Variants in EPHA4 observed in about 807,000 individuals in gnomAD.
The protein encoded by EPHA4 is EPH receptor A4.
In EPHA4, 19 loss-of-function variants were observed where a neutral mutation model predicts 108.3. That is an observed-to-expected ratio of 0.18 (90% confidence interval 0.12 to 0.26). EPHA4 has a LOEUF of 0.26. Ranked by LOEUF, EPHA4 falls within the 10% of genes least tolerant of loss-of-function variation. The pLI is 1.00. For missense variants in EPHA4, 917 were observed against 1,254.0 expected (o/e 0.73, Z 4.06); for synonymous variants, 449 against 455.5 (o/e 0.99, Z 0.18).
intron 8 of EPHA4, among the ~76,000 whole-genome samples, chr2:221,448,127 C>A (rs1465247765): frequency 6.6e-6 from 1 of 152,072 alleles, no homozygotes; most frequent in Admixed American, 6.5e-5. Context: ...TAGGCATGAA[C>A]CACCGCACCC....
chr2:221,470,340 GGAGAGAGA>G (rs375132663), intron 5 of EPHA4, among the ~76,000 whole-genome samples: 2 of 147,942 alleles, frequency 1.4e-5, no homozygotes, highest in Non-Finnish European at 3.0e-5. Flanking sequence ...AGGGCGGGGG[GGAGAGAGA>G]GAGAGAGAGA....
chr2:221,442,328 C>A lies in EPHA4; in HGVS notation c.2074+501G>T, dbSNP rs577482912. 1.3e-4 allele frequency among the ~76,000 whole-genome samples: 20 copies of A among 152,298 alleles called. 1 individual carries two copies. The South Asian group carries it at 3.9e-3, about 30-fold the overall frequency. ...AATGGACTAAAAAAGGAAAGTTCAA[C>A]CAGGTGTTACTGTAAATAGGTGCTG... On this transcript the variant is annotated intron_variant, in intron 11 of 17. Transcript: ENST00000281821.
At chr2:221,426,258 G>A (rs1689906293) in intron 16 of EPHA4, 116 bp from the exon 17 acceptor site, 4 of 1,055,370 alleles carry the variant, frequency 3.8e-6, no homozygotes, top group South Asian at 2.8e-5. Flanking sequence ...AGCACAACAA[G>A]GCAGGTGTAT....
intron 3 of EPHA4, among the ~76,000 whole-genome samples, chr2:221,521,319 A>T (rs1192511671): frequency 6.6e-6 from 1 of 152,206 alleles, no homozygotes; most frequent in African/African-American, 2.4e-5. Context: ...TTCCATTTAG[A>T]TGTTACAGGA....
chr2:221,517,836 G>C (rs1693035403), intron 3 of EPHA4, among the ~76,000 whole-genome samples: 1 of 152,178 alleles, frequency 6.6e-6, no homozygotes, highest in East Asian at 1.9e-4. Flanking sequence ...CCAGGCCCTG[G>C]GTCCTGACCA....
At chr2:221,554,351 T>C (rs1018277117) in intron 3 of EPHA4, among the ~76,000 whole-genome samples, 1 of 152,252 alleles carries the variant, frequency 6.6e-6, no homozygotes, top group Non-Finnish European at 1.5e-5. Flanking sequence ...TTCTGCTCTG[T>C]GAAATTAGTT....
intron 8 of EPHA4, among the ~76,000 whole-genome samples, chr2:221,455,235 A>G (rs548293809): frequency 7.9e-5 from 12 of 152,318 alleles, no homozygotes; most frequent in African/African-American, 2.6e-4. Flanking sequence ...TTTGGCAGTG[A>G]GTCCAGGCTT....
chr2:221,486,913 G>T (rs1046356933), intron 4 of EPHA4, among the ~76,000 whole-genome samples: 3 of 152,066 alleles, frequency 2.0e-5, no homozygotes, highest in Admixed American at 2.0e-4. Context: ...GTGTTATGAA[G>T]TGTGTGAACT....
At chr2:221,441,663 T>C (rs939382317) in intron 11 of EPHA4, among the ~76,000 whole-genome samples, 1 of 152,100 alleles carries the variant, frequency 6.6e-6, no homozygotes, top group African/African-American at 2.4e-5. Flanking sequence ...AGAGCATTAT[T>C]TGTAACATAC....
At chr2:221,503,482 G>A (rs139626784) in intron 3 of EPHA4, among the ~76,000 whole-genome samples, 327 of 152,254 alleles carry the variant, frequency 2.1e-3, no homozygotes, top group Non-Finnish European at 4.3e-3. Context: ...ATTTCTTACA[G>A]TGCAAAAACC....
chr2:221,481,993 C>G (rs1691834597), intron 5 of EPHA4, among the ~76,000 whole-genome samples: 1 of 152,210 alleles, frequency 6.6e-6, no homozygotes, highest in East Asian at 1.9e-4. Context: ...CAACCTCTGA[C>G]TGCTGGGCTC....
At chr2:221,459,124 A>G (rs756351180) in intron 5 of EPHA4, among the ~76,000 whole-genome samples, 1 of 152,134 alleles carries the variant, frequency 6.6e-6, no homozygotes, top group Non-Finnish European at 1.5e-5. Flanking sequence ...AAAAGCTTCA[A>G]ACCTGCTTGA....
intron 3 of EPHA4, among the ~76,000 whole-genome samples, chr2:221,554,859 A>G (rs1694259565): frequency 6.6e-6 from 1 of 152,012 alleles, no homozygotes; most frequent in Non-Finnish European, 1.5e-5. Context: ...TTAGTGACCT[A>G]AGGCCTATTT....
At chr2:221,546,955 G>C (rs931787762) in intron 3 of EPHA4, among the ~76,000 whole-genome samples, 4 of 152,112 alleles carry the variant, frequency 2.6e-5, no homozygotes, top group East Asian at 1.9e-4. Context: ...AAAATAAAAG[G>C]GGGGGGACAA....
intron 2 of EPHA4, among the ~76,000 whole-genome samples, chr2:221,566,963 G>GAAGAAGAAGAAGAA (rs1694680154): frequency 9.4e-5 from 1 of 10,630 alleles, no homozygotes; most frequent in Non-Finnish European, 2.0e-4. Flanking sequence ...AAGGGGAAGA[G>GAAGAAGAAGAAGAA]GAAGAGGAAG....
intron 14 of EPHA4, among the ~76,000 whole-genome samples, chr2:221,433,395 C>G (rs534225626): frequency 6.6e-6 from 1 of 152,292 alleles, no homozygotes; most frequent in South Asian, 2.1e-4. Flanking sequence ...TATAGGTGGC[C>G]ATTTAATTTT....
In EPHA4 at chr2:221,499,756, A is replaced by ATT. The variant is rs575017779; in HGVS notation, c.979+1259_979+1260dup. On this transcript the variant is annotated intron_variant, in intron 4 of 17. Transcript: ENST00000281821. ...TATATATATATATATATATATATAT[A>ATT]TTTTTTTTTTTTTTTTTTGAGACAG... 9.6e-3 allele frequency among the ~76,000 whole-genome samples: 252 copies of ATT among 26,192 alleles called. 20 individuals are homozygous for ATT. The highest frequency in any genetic ancestry group is 0.025 in the East Asian group (20 of 788). 17.2% of individuals were successfully genotyped at this position (26,192 alleles called of 152,430 possible).
At chr2:221,440,767 A>G (rs1179213562) in intron 11 of EPHA4, among the ~76,000 whole-genome samples, 2 of 152,224 alleles carry the variant, frequency 1.3e-5, no homozygotes, top group African/African-American at 2.4e-5. Flanking sequence ...ATAACCTTAT[A>G]AGGCAAATGC....
At position 221,425,223 on chromosome 2, in the gene EPHA4, G is replaced by T. The variant is rs1456239364; in HGVS notation, c.*805C>A. 6.6e-6 allele frequency: 1 copy of T among 152,488 alleles called. No individual in the cohort carries two copies. Among genetic ancestry groups the T allele is most frequent in the Non-Finnish European group, 1.5e-5 (1 of 68,026 alleles). 9.4% of individuals were successfully genotyped at this position (152,488 alleles called of 1,614,324 possible). On this transcript the variant is annotated 3_prime_UTR_variant, in exon 17 of 18. Transcript: ENST00000281821. ...GTTGGACTTACCTTGCAGATCTGGG[G>T]TCGCTTCTTTAAAGGAGCGAAGTGT...
Sources: allele counts gnomAD v4.1 joint callset (sites outside exome capture counted in the v4.1 genomes callset), GRCh38; gene constraint gnomAD v4.1.1; transcripts MANE v1.5; gene names NCBI Gene and HGNC (gene_info 2026-07-23, HGNC 2026-07-21).